The following PTPRK variants were observed in gnomAD, a reference collection of about 807,000 sequenced individuals.
PTPRK encodes receptor-type tyrosine-protein phosphatase kappa.
PTPRK carries 75 observed loss-of-function variants against 178.0 expected under a neutral mutation model. That is an observed-to-expected ratio of 0.42 (90% CI 0.35 to 0.51). The LOEUF is 0.51. Among genes scored for constraint, PTPRK ranks in the 20% least tolerant of loss-of-function variants. The probability of loss-of-function intolerance (pLI) is 0.02; values close to 1 mark genes in which losing one functional copy is unlikely to be tolerated. For missense variants in PTPRK, 1,441 were observed against 1,797.8 expected (o/e 0.80, Z 3.59); for synonymous variants, 637 against 620.6 (o/e 1.03, Z -0.39).
At chr6:128,407,718 C>T (rs113026934) in intron 1 of PTPRK, among the ~76,000 whole-genome samples, 1 of 149,314 alleles carries the variant, frequency 6.7e-6, no homozygotes, top group East Asian at 2.0e-4. Context: ...CTCATTTATT[C>T]AACATTCTTT....
At chr6:128,290,061 T>C (rs940493097) in intron 3 of PTPRK, among the ~76,000 whole-genome samples, 2 of 152,074 alleles carry the variant, frequency 1.3e-5, no homozygotes, top group African/African-American at 4.8e-5. Context: ...AATAGCCAGC[T>C]AAACTGACTG....
At chr6:128,472,386 C>T in intron 1 of PTPRK, among the ~76,000 whole-genome samples, 1 of 150,974 alleles carries the variant, frequency 6.6e-6, no homozygotes. Flanking sequence ...ACACCCTCCC[C>T]AATTTAGTTT....
intron 7 of PTPRK, among the ~76,000 whole-genome samples, chr6:128,118,754 A>G (rs1319581687): frequency 2.6e-5 from 4 of 152,174 alleles, no homozygotes; most frequent in Non-Finnish European, 5.9e-5. Flanking sequence ...CCACTTGAGA[A>G]ATCTGCCACA....
chr6:127,969,790 T>C lies in PTPRK; in HGVS notation c.*437A>G, dbSNP rs1395718809. ...CACTGGAAACATATAAAAAACGAAC[T>C]TTACTATGAATTTGCACAGCTTTTC... On this transcript the variant is annotated 3_prime_UTR_variant, in exon 30 of 30. Coordinates refer to ENST00000368226, the MANE Select transcript of PTPRK (RefSeq NM_002844.4). 1 of 152,320 alleles carries C rather than the reference T, an allele frequency of 6.6e-6. No individual in the cohort carries two copies. The highest frequency in any genetic ancestry group is 1.9e-4 in the East Asian group (1 of 5,214). 9.4% of individuals were successfully genotyped at this position (152,320 alleles called of 1,614,324 possible). A position where few individuals can be genotyped will look rare whatever the true frequency, so the allele number is the denominator to read the frequency against.
At chr6:128,108,422 C>T (rs370621417) in intron 7 of PTPRK, among the ~76,000 whole-genome samples, 1 of 152,086 alleles carries the variant, frequency 6.6e-6, no homozygotes, top group Admixed American at 6.6e-5. Flanking sequence ...TATATTATTT[C>T]ATTTAGTACC....
chr6:128,218,864 T>G, intron 6 of PTPRK, 58 bp downstream of exon 6: 1 of 1,398,340 alleles, frequency 7.2e-7, no homozygotes, highest in Non-Finnish European at 9.8e-7. Context: ...ATCTACAGAG[T>G]TGCTTTTGTT....
chr6:128,509,122 C>T (rs1856801722), intron 1 of PTPRK, among the ~76,000 whole-genome samples: 1 of 152,084 alleles, frequency 6.6e-6, no homozygotes, highest in Admixed American at 6.6e-5. Flanking sequence ...AGCCCACTTG[C>T]CTGTTAGTCA....
chr6:127,999,842 T>A (rs1376880875), intron 15 of PTPRK: 1 of 479,162 alleles, frequency 2.1e-6, no homozygotes, highest in Non-Finnish European at 2.7e-6. Flanking sequence ...AATATTCCAA[T>A]GAATGAATTA....
chr6:128,240,289 C>CT (rs547075341), intron 4 of PTPRK, 139 bp from the exon 5 acceptor site: 121 of 644,202 alleles, frequency 1.9e-4, no homozygotes, highest in Admixed American at 7.0e-4. Context: ...AACTGAGGGG[C>CT]TTTTTTTGTG....
At chr6:127,999,327 C>T (rs1366241318) in intron 15 of PTPRK, among the ~76,000 whole-genome samples, 2 of 151,964 alleles carry the variant, frequency 1.3e-5, no homozygotes, top group Admixed American at 6.6e-5. Flanking sequence ...CTCAGAGATA[C>T]CCGATCTAGG....
chr6:128,477,936 TTGCCACTG>T (rs1851575111), intron 1 of PTPRK, among the ~76,000 whole-genome samples: 1 of 152,094 alleles, frequency 6.6e-6, no homozygotes, highest in African/African-American at 2.4e-5. Flanking sequence ...CCATATGCCA[TTGCCACTG>T]CCACCAAAAT....
intron 13 of PTPRK, among the ~76,000 whole-genome samples, chr6:128,036,574 A>C (rs1341975608): frequency 3.3e-5 from 5 of 152,140 alleles, no homozygotes; most frequent in Admixed American, 2.0e-4. Context: ...TCTTCAGTCT[A>C]TGTTTAATAA....
At position 128,520,495 on chromosome 6, in the gene PTPRK, C is replaced by A; in HGVS notation, c.-137G>T. 2.5e-6 allele frequency: 2 copies of A among 788,216 alleles called. No individual in the cohort carries two copies. The allele number at this position is 788,216 out of a possible 1,614,324, so 48.8% of individuals were successfully genotyped here. On this transcript the variant is annotated 5_prime_UTR_variant, in exon 1 of 30. It adds an upstream start codon to the 5' untranslated region. Coordinates refer to ENST00000368226, the MANE Select transcript of PTPRK (RefSeq NM_002844.4). ...GACAGCCGCCCGCCCGCCCTTTTTC[C>A]TTCTTCGCGGTCGCCAAACTACCTC... is the stretch of plus-strand genomic sequence containing the variant.
At chr6:128,187,525 C>T (rs1802985745) in intron 6 of PTPRK, among the ~76,000 whole-genome samples, 1 of 152,128 alleles carries the variant, frequency 6.6e-6, no homozygotes, top group South Asian at 2.1e-4. Context: ...CCAACAAGCC[C>T]TGTGTGATGC....
chr6:128,330,960 G>A (rs1333713146), intron 2 of PTPRK, among the ~76,000 whole-genome samples: 1 of 152,110 alleles, frequency 6.6e-6, no homozygotes, highest in East Asian at 1.9e-4. Flanking sequence ...TCCTCTGTTT[G>A]AAATGCTCTG....
intron 12 of PTPRK, among the ~76,000 whole-genome samples, chr6:128,066,303 G>A (rs1471568796): frequency 1.3e-5 from 2 of 152,138 alleles, no homozygotes; most frequent in Admixed American, 6.6e-5. Context: ...AAAGGTAAAC[G>A]AGAAGAGCAT....
rs573604187 is a variant in PTPRK at position 128,172,761 on chromosome 6, AC to A, written c.1162+11670del. Among the ~76,000 whole-genome samples the A allele has an allele frequency of 6.3e-4, 96 of 151,904 alleles. 1 individual carries two copies. Among genetic ancestry groups the A allele is most frequent in the African/African-American group, 2.2e-3 (92 of 41,460 alleles). The stretch of plus-strand genomic sequence containing the variant: ...ATACACACGTACATATAAGTGTGTA[AC>A]ATGTACATATGTGTGTACATACGTG... On this transcript the variant is annotated intron_variant, in intron 7 of 29. Transcript: ENST00000368226.
chr6:128,171,546 T>C (rs372842745), intron 7 of PTPRK, among the ~76,000 whole-genome samples: 9 of 152,046 alleles, frequency 5.9e-5, no homozygotes, highest in African/African-American at 1.7e-4. Context: ...TGAAGACATA[T>C]ACAATATTCC....
chr6:128,099,617 G>A (rs1159874174), intron 7 of PTPRK, among the ~76,000 whole-genome samples: 1 of 151,952 alleles, frequency 6.6e-6, no homozygotes, highest in Non-Finnish European at 1.5e-5. Context: ...ATAGAAACAG[G>A]ATATAATATA....
Sources: allele counts gnomAD v4.1 joint callset (sites outside exome capture counted in the v4.1 genomes callset), GRCh38; gene constraint gnomAD v4.1.1; transcripts MANE v1.5; gene names NCBI Gene and HGNC (gene_info 2026-07-23, HGNC 2026-07-21).